The following TBCE variants were observed in gnomAD, a reference collection of about 807,000 sequenced individuals.
TBCE encodes the protein tubulin-specific chaperone E.
TBCE carries 53 observed loss-of-function variants against 77.0 expected under a neutral mutation model. The observed-to-expected ratio is 0.69, with a 90% CI of 0.55 to 0.87. The LOEUF (loss-of-function observed/expected upper bound fraction) is 0.87. TBCE is among the 40% of genes least tolerant of loss of function. The pLI is 0.00. For missense variants in TBCE, 624 were observed against 622.4 expected, an observed-to-expected ratio of 1.00 and a Z score of -0.03; for synonymous variants, 235 against 241.3, an observed-to-expected ratio of 0.97 and a Z score of 0.24.
intron 15 of TBCE, among the ~76,000 whole-genome samples, chr1:235,445,650 C>T (rs1032391633): frequency 6.6e-6 from 1 of 151,808 alleles, no homozygotes. Context: ...TAAAACAAAA[C>T]AAAACAAAAC....
chr1:235,422,249 T>C (rs951493317), intron 5 of TBCE, among the ~76,000 whole-genome samples: 3 of 152,218 alleles, frequency 2.0e-5, no homozygotes, highest in African/African-American at 7.2e-5. Flanking sequence ...CAGTGGCTCA[T>C]GCCTGTAATC....
intron 3 of TBCE, among the ~76,000 whole-genome samples, chr1:235,408,706 A>G (rs1005792656): frequency 2.0e-5 from 3 of 152,216 alleles, no homozygotes; most frequent in African/African-American, 7.2e-5. Context: ...TAGATGTTAC[A>G]GCGCTGAACA....
At chr1:235,416,397 G>T (rs947003389) in intron 4 of TBCE, among the ~76,000 whole-genome samples, 1 of 151,782 alleles carries the variant, frequency 6.6e-6, no homozygotes, top group African/African-American at 2.4e-5. Context: ...GTAGTGGTGC[G>T]TGCCTATAGT....
intron 4 of TBCE, 33 bp downstream of exon 4, chr1:235,414,651 T>C (rs1470163244): frequency 6.2e-7 from 1 of 1,605,382 alleles, no homozygotes; most frequent in Admixed American, 1.7e-5. Context: ...GAGCTGACTT[T>C]TATGGTTTTA....
chr1:235,371,906 T>A lies in TBCE; in HGVS notation c.-32+4402T>A, dbSNP rs184492498. Among the ~76,000 whole-genome samples the A allele has an allele frequency of 3.1e-3, 469 of 152,276 alleles. 1 individual carries two copies. The highest frequency in any genetic ancestry group is 4.8e-3 in the Admixed American group (74 of 15,278). ...CCGGGCTGGTCTCGAACTCCTGACC[T>A]CAGGTGATCTGCCTGCCTTGGCCTC... On this transcript the variant is annotated intron_variant, in intron 1 of 16. Transcript: ENST00000642610.
chr1:235,402,296 T>C lies in TBCE; in HGVS notation c.185+709T>C, dbSNP rs187306501. On this transcript the variant is annotated intron_variant, in intron 3 of 16. Coordinates refer to ENST00000642610, the MANE Select transcript of TBCE (RefSeq NM_003193.5). ...CCAGGCTGGTCCCGAACTCCTGACC[T>C]TGTGATCCGCCCGCCTCAGCCTCCC... 5.5e-3 allele frequency among the ~76,000 whole-genome samples: 835 copies of C among 151,942 alleles called. 8 individuals carry two copies. Among genetic ancestry groups the C allele is most frequent in the African/African-American group, 0.02 (811 of 41,462 alleles).
Position 235,448,881 on chromosome 1 carries a change from A to T in TBCE, c.*119A>T. ...CAAAGGGGGTTTACAACTTGTCCTAAGTATAACAAGGGATGTATTTTTTGT... is the reference window on the plus strand; with the variant it reads ...CAAAGGGGGTTTACAACTTGTCCTATGTATAACAAGGGATGTATTTTTTGT... On this transcript the variant is annotated 3_prime_UTR_variant, in exon 17 of 17. Transcript: ENST00000642610. The T allele has an allele frequency of 1.3e-6, 1 of 776,062 alleles. No homozygotes were observed. Among genetic ancestry groups the T allele is most frequent in the Non-Finnish European group, 2.2e-6 (1 of 452,730 alleles). 48.1% of individuals were successfully genotyped at this position (776,062 alleles called of 1,614,324 possible).
At chr1:235,430,274 C>CA (rs1272918518) in intron 6 of TBCE, 1 of 159,420 alleles carries the variant, frequency 6.3e-6, no homozygotes, top group Non-Finnish European at 1.4e-5. Flanking sequence ...CATCCATCCT[C>CA]ATAGCCAAAG....
chr1:235,386,177 AAG>A (rs1266184453), intron 2 of TBCE, among the ~76,000 whole-genome samples: 1 of 152,182 alleles, frequency 6.6e-6, no homozygotes, highest in Non-Finnish European at 1.5e-5. Context: ...AGTTTCTGCC[AAG>A]AGATCCGCTG....
chr1:235,405,256 C>G (rs555251498), intron 3 of TBCE, among the ~76,000 whole-genome samples: 5 of 152,084 alleles, frequency 3.3e-5, no homozygotes, highest in Non-Finnish European at 7.4e-5. Context: ...AGCCACTGCA[C>G]TGGACCTGAG....
chr1:235,446,752 C>T (rs1682353021), intron 15 of TBCE, among the ~76,000 whole-genome samples: 1 of 148,036 alleles, frequency 6.8e-6, no homozygotes, highest in African/African-American at 2.5e-5. Context: ...GGATGGAGTA[C>T]AGTGGCGCGA....
intron 14 of TBCE, among the ~76,000 whole-genome samples, chr1:235,442,096 CT>C (rs1332396971): frequency 6.6e-6 from 1 of 151,906 alleles, no homozygotes; most frequent in Non-Finnish European, 1.5e-5. Context: ...CAACCTCCGC[CT>C]CCCAGGTTCT....
At chr1:235,420,074 C>T (rs1680314314) in intron 5 of TBCE, among the ~76,000 whole-genome samples, 1 of 149,112 alleles carries the variant, frequency 6.7e-6, no homozygotes, top group Non-Finnish European at 1.5e-5. Context: ...CAGAACAAGA[C>T]TTCATCTCAA....
chr1:235,419,770 G>A (rs1680294729), intron 5 of TBCE, among the ~76,000 whole-genome samples: 1 of 152,158 alleles, frequency 6.6e-6, no homozygotes, highest in South Asian at 2.1e-4. Context: ...TCAGGTGGAA[G>A]TTTCTACACC....
intron 6 of TBCE, 147 bp from the exon 7 acceptor site, chr1:235,430,558 A>G: frequency 1.6e-6 from 1 of 613,706 alleles, no homozygotes. Flanking sequence ...GAATCATTAA[A>G]AAAGTGATTT....
intron 2 of TBCE, among the ~76,000 whole-genome samples, chr1:235,386,652 G>C (rs1464888706): frequency 6.6e-6 from 1 of 152,126 alleles, no homozygotes; most frequent in Middle Eastern, 3.2e-3. Flanking sequence ...AGCTCCATCA[G>C]CTCCTTTAAG....
At chr1:235,407,710 A>G (rs781694868) in intron 3 of TBCE, among the ~76,000 whole-genome samples, 7 of 152,102 alleles carry the variant, frequency 4.6e-5, no homozygotes, top group Non-Finnish European at 7.4e-5. Flanking sequence ...TCTGTAATCA[A>G]CTTTCCCAAG....
chr1:235,396,203 T>C (rs536510752), intron 2 of TBCE, among the ~76,000 whole-genome samples: 95 of 152,026 alleles, frequency 6.2e-4, no homozygotes, highest in African/African-American at 2.0e-3. Context: ...GGACTACGGG[T>C]GCCCACCACC....
At chr1:235,438,269 C>T (rs935726840) in intron 12 of TBCE, among the ~76,000 whole-genome samples, 1 of 152,196 alleles carries the variant, frequency 6.6e-6, no homozygotes, top group Non-Finnish European at 1.5e-5. Flanking sequence ...AAGTGTAGGC[C>T]AGGCACGGTG....
Sources: gnomAD v4.1 joint callset for allele counts (sites outside exome capture counted in the v4.1 genomes callset) on GRCh38, gnomAD v4.1.1 for gene constraint, MANE v1.5 for transcripts, NCBI Gene and HGNC (gene_info 2026-07-23, HGNC 2026-07-21) for gene names.